TENM3: variants seen among roughly 807,000 people sequenced by gnomAD.
TENM3 encodes the protein teneurin-3.
In TENM3, 63 loss-of-function variants were observed where a neutral mutation model predicts 255.1. That is an observed-to-expected ratio of 0.25 (90% CI 0.20 to 0.30). The LOEUF (loss-of-function observed/expected upper bound fraction) is 0.30. Among genes scored for constraint, TENM3 ranks in the 10% least tolerant of loss-of-function variants. The pLI, the probability that TENM3 is intolerant of heterozygous loss-of-function variation, is 1.00. For synonymous variants in TENM3, 1,306 were observed against 1,322.3 expected (o/e 0.99, Z 0.27); for missense variants, 2,929 against 3,461.1 (o/e 0.85, Z 3.86).
chr4:182,577,114 A>G (rs896609127), intron 3 of TENM3, among the ~76,000 whole-genome samples: 1 of 152,208 alleles, frequency 6.6e-6, no homozygotes, highest in Admixed American at 6.5e-5. Flanking sequence ...TGTTTGGAAT[A>G]TGCATTCTTC....
At position 182,777,547 on chromosome 4, in the gene TENM3, C is replaced by CT. The variant is rs1157448732; in HGVS notation, c.5304+2422dup. Among the ~76,000 whole-genome samples the CT allele has an allele frequency of 8.0e-3, 364 of 45,472 alleles. 55 individuals carry two copies. Among genetic ancestry groups the CT allele is most frequent in the African/African-American group, 0.015 (176 of 11,578 alleles). The allele number at this position is 45,472 out of a possible 152,430, so 29.8% of individuals were successfully genotyped here. A position where few individuals can be genotyped will look rare whatever the true frequency, so the allele number is the denominator to read the frequency against. ...TGTGTGTGTGTGTGTGTGTGTATTT[C>CT]TTTTTTTTTTTTTTTTTTTTTTTTT... is the stretch of plus-strand genomic sequence containing the variant. On this transcript the variant is annotated intron_variant, in intron 24 of 27. Transcript: ENST00000511685.
chr4:181,595,290 G>A, the TENM3 span, among the ~76,000 whole-genome samples: 2 of 151,878 alleles, frequency 1.3e-5, no homozygotes, highest in South Asian at 2.1e-4. Flanking sequence ...AATTAGCCAG[G>A]CATGGTGATG....
intron 3 of TENM3, among the ~76,000 whole-genome samples, chr4:182,358,031 T>C (rs1203586364): frequency 6.7e-6 from 1 of 149,734 alleles, no homozygotes; most frequent in Non-Finnish European, 1.5e-5. Flanking sequence ...TAGTTGTAGA[T>C]ATGCGGCGTT....
intron 22 of TENM3, among the ~76,000 whole-genome samples, chr4:182,762,948 C>CT (rs1763330070): frequency 6.6e-6 from 1 of 152,036 alleles, no homozygotes; most frequent in African/African-American, 2.4e-5. Context: ...ATTTCCTAGA[C>CT]TTCAAGTTCA....
intron 1 of TENM3, among the ~76,000 whole-genome samples, chr4:182,230,812 C>CCA (rs1491106795): frequency 1.0e-4 from 6 of 58,058 alleles, no homozygotes; most frequent in African/African-American, 4.1e-4. Context: ...GTTTCTCAAA[C>CCA]TATATATATA....
At chr4:181,456,557 T>C in the TENM3 span, among the ~76,000 whole-genome samples, 3 of 151,966 alleles carry the variant, frequency 2.0e-5, no homozygotes, top group Non-Finnish European at 4.4e-5. Flanking sequence ...ATATCAACTC[T>C]TCTATCATGA....
chr4:182,684,571 G>A (rs771114383), intron 11 of TENM3, among the ~76,000 whole-genome samples: 1 of 152,050 alleles, frequency 6.6e-6, no homozygotes, highest in Non-Finnish European at 1.5e-5. Flanking sequence ...ATACAGTTGA[G>A]GTAAGGCTTA....
At chr4:182,053,760 A>C in the TENM3 span, among the ~76,000 whole-genome samples, 394 of 152,278 alleles carry the variant, frequency 2.6e-3, 1 homozygote, top group African/African-American at 8.8e-3. Context: ...AGAGGCATTT[A>C]ATCTGTTCAC....
At chr4:182,088,327 TCTTGTGGTCTTCAAAGGGTATTC>T in the TENM3 span, among the ~76,000 whole-genome samples, 42 of 152,262 alleles carry the variant, frequency 2.8e-4, no homozygotes, top group African/African-American at 9.9e-4. Flanking sequence ...GGTCATCTGA[TCTTGTGGTCTTCAAAGGGTATTC>T]CTTGTCACCC....
chr4:181,725,643 T>C, the TENM3 span, among the ~76,000 whole-genome samples: 2 of 151,956 alleles, frequency 1.3e-5, no homozygotes, highest in African/African-American at 4.8e-5. Flanking sequence ...GGAGTTTCAC[T>C]GTGTTAGCCA....
chr4:181,651,363 G>T, the TENM3 span, among the ~76,000 whole-genome samples: 422 of 152,270 alleles, frequency 2.8e-3, 2 homozygotes, highest in South Asian at 0.014. Flanking sequence ...ACTTTGAGAG[G>T]CCAAGGCAGA....
the TENM3 span, among the ~76,000 whole-genome samples, chr4:181,540,117 A>G: frequency 2.6e-5 from 4 of 152,144 alleles, no homozygotes; most frequent in African/African-American, 9.7e-5. Context: ...CATGATGAGA[A>G]GAATACAAAG....
the TENM3 span, among the ~76,000 whole-genome samples, chr4:181,498,156 A>T: frequency 6.6e-6 from 1 of 152,174 alleles, no homozygotes; most frequent in Non-Finnish European, 1.5e-5. Context: ...ATAATCTAAC[A>T]AGAATATAGT....
In TENM3 at chr4:182,615,956, T is replaced by C. The variant is rs529506299; in HGVS notation, c.750-12695T>C. 2.6e-5 allele frequency among the ~76,000 whole-genome samples: 4 copies of C among 152,302 alleles called. No individual in the cohort carries two copies. The South Asian group carries it at 6.2e-4, about 24-fold the overall frequency. ...TTAAACTTAAGCTAAGAAACTGATA[T>C]CCTAATACCTTACTGCAGTGATTCT... On this transcript the variant is annotated intron_variant, in intron 4 of 27. Coordinates refer to ENST00000511685, the MANE Select transcript of TENM3 (RefSeq NM_001080477.4).
rs540545738 is a variant in TENM3, at chr4:182,179,027, A to G, written c.-76+34273A>G. Among the ~76,000 whole-genome samples, 15 of 152,364 alleles carry G rather than the reference A, an allele frequency of 9.8e-5. No homozygotes were observed. The South Asian group carries it at 1.4e-3, about 15-fold the overall frequency. ...AATTTTAATTCCTAAGTATTTGCTG[A>G]CTGAAGAACAGTATAGTGCCTTTAA... On this transcript the variant is annotated intron_variant, in intron 1 of 2. Transcript: ENST00000512480.
the TENM3 span, among the ~76,000 whole-genome samples, chr4:181,991,187 GA>G: frequency 6.6e-6 from 1 of 152,058 alleles, no homozygotes; most frequent in Admixed American, 6.6e-5. Flanking sequence ...CACTTAGGAA[GA>G]AAAAATGCTC....
At chr4:182,716,180 C>G (rs755081776) in intron 13 of TENM3, among the ~76,000 whole-genome samples, 2 of 152,116 alleles carry the variant, frequency 1.3e-5, no homozygotes, top group Non-Finnish European at 2.9e-5. Flanking sequence ...TCTCTTTCTC[C>G]TTGATCATAT....
At chr4:182,637,904 A>G (rs768223537) in intron 5 of TENM3, among the ~76,000 whole-genome samples, 3 of 152,240 alleles carry the variant, frequency 2.0e-5, no homozygotes, top group Non-Finnish European at 4.4e-5. Context: ...GTTTTGACAA[A>G]TGCTGACGTA....
At chr4:182,398,056 G>A (rs1768972817) in intron 3 of TENM3, among the ~76,000 whole-genome samples, 1 of 152,086 alleles carries the variant, frequency 6.6e-6, no homozygotes, top group Non-Finnish European at 1.5e-5. Flanking sequence ...CAGTAGCCTG[G>A]ACAGCCCATC....
Sources: gnomAD v4.1 joint callset for allele counts (sites outside exome capture counted in the v4.1 genomes callset) on GRCh38, gnomAD v4.1.1 for gene constraint, MANE v1.5 for transcripts, NCBI Gene and HGNC (gene_info 2026-07-23, HGNC 2026-07-21) for gene names.